TPRG1: variants seen among roughly 807,000 people sequenced by gnomAD.
TPRG1 encodes tumor protein p63-regulated gene 1 protein.
A neutral mutation model predicts 29.3 loss-of-function variants in TPRG1; 29 were observed. The ratio of observed to expected loss-of-function variants is 0.99; its 90% CI spans 0.74 to 1.35. The LOEUF is 1.35. Among genes scored for constraint, TPRG1 ranks in the 40% most tolerant of loss-of-function variants. The probability of loss-of-function intolerance (pLI) is 0.00; values close to 1 mark genes in which losing one functional copy is unlikely to be tolerated. For missense variants in TPRG1, 327 were observed against 335.0 expected, an observed-to-expected ratio of 0.98 and a Z score of 0.19; for synonymous variants, 130 against 116.8, an observed-to-expected ratio of 1.11 and a Z score of -0.73.
At chr3:189,193,132 A>ATTTTTTTTTTTT (rs555964454) in intron 1 of TPRG1, among the ~76,000 whole-genome samples, 30 of 90,252 alleles carry the variant, frequency 3.3e-4, no homozygotes, top group Non-Finnish European at 4.2e-4. Context: ...TTGACTTTTA[A>ATTTTTTTTTTTT]TTTTTTTTTT....
At chr3:189,174,509 T>A (rs1311876506) in intron 1 of TPRG1, among the ~76,000 whole-genome samples, 1 of 152,200 alleles carries the variant, frequency 6.6e-6, no homozygotes, top group Non-Finnish European at 1.5e-5. Flanking sequence ...TCTCTTCCAA[T>A]CTCTTAGGTA....
chr3:189,203,602 C>T (rs548267854), intron 1 of TPRG1, among the ~76,000 whole-genome samples: 1 of 152,322 alleles, frequency 6.6e-6, no homozygotes, highest in African/African-American at 2.4e-5. Context: ...GTTGGATATA[C>T]TTAGCCATTC....
In TPRG1 at chr3:189,199,267, T is replaced by C. The variant is rs1733061644; in HGVS notation, c.-9-8109T>C. 2.6e-5 allele frequency among the ~76,000 whole-genome samples: 4 copies of C among 152,196 alleles called. No individual in the cohort carries two copies. In the South Asian group the frequency reaches 8.3e-4, roughly 32 times the overall value. On this transcript the variant is annotated intron_variant, in intron 1 of 5. Transcript: ENST00000345063. Reference sequence around the variant, plus strand: ...ATCACAAGAGAACCAATTTGCTCAGTTGGAGTCACATGATGATATGGGGAA... The same window carrying C: ...ATCACAAGAGAACCAATTTGCTCAGCTGGAGTCACATGATGATATGGGGAA...
intron 1 of TPRG1, among the ~76,000 whole-genome samples, chr3:189,195,494 T>C (rs899210102): frequency 2.6e-5 from 4 of 152,080 alleles, no homozygotes; most frequent in African/African-American, 9.7e-5. Context: ...GCCTCAAGGA[T>C]AAAGGAGAGC....
At chr3:189,212,499 T>C (rs1188950853) in intron 2 of TPRG1, among the ~76,000 whole-genome samples, 1 of 152,206 alleles carries the variant, frequency 6.6e-6, no homozygotes, top group Non-Finnish European at 1.5e-5. Flanking sequence ...AAAATAGTTA[T>C]CTCACTGGGC....
At chr3:189,039,639 A>G (rs1386409368) in intron 4 of TPRG1, among the ~76,000 whole-genome samples, 1 of 152,212 alleles carries the variant, frequency 6.6e-6, no homozygotes, top group African/African-American at 2.4e-5. Context: ...TCATAAGAGA[A>G]CATGACAGTG....
chr3:189,278,436 A>T lies in TPRG1; in HGVS notation c.480-31950A>T, dbSNP rs1443565494. ...TGCTGGAAAGCAGATTGCTTTACGT[A>T]CTGTGAGCAGATTGTGTAACCAGAC... On this transcript the variant is annotated intron_variant, in intron 4 of 5. Transcript: ENST00000345063. 2.6e-5 allele frequency among the ~76,000 whole-genome samples: 4 copies of T among 152,286 alleles called. No homozygotes were observed. In the East Asian group the frequency reaches 7.7e-4, roughly 29 times the overall value.
In TPRG1 at chr3:189,322,928, G is replaced by C. The variant is rs1442719727; in HGVS notation, c.*2108G>C. The C allele has an allele frequency of 6.6e-6, 1 of 152,100 alleles. No homozygotes were observed. Among genetic ancestry groups the C allele is most frequent in the Non-Finnish European group, 1.5e-5 (1 of 68,000 alleles). The allele number at this position is 152,100 out of a possible 1,614,324, so 9.4% of individuals were successfully genotyped here. A position where few individuals can be genotyped will look rare whatever the true frequency, so the allele number is the denominator to read the frequency against. ...AAGAGTGAACTCAGAGACGACAAGA[G>C]GGTCTTTATGAATTCCCTTCACATT... On this transcript the variant is annotated 3_prime_UTR_variant, in exon 6 of 6. Coordinates refer to ENST00000345063, the MANE Select transcript of TPRG1 (RefSeq NM_198485.4).
intron 3 of TPRG1, among the ~76,000 whole-genome samples, chr3:189,005,075 G>A (rs1712216625): frequency 6.6e-6 from 1 of 152,080 alleles, no homozygotes; most frequent in Non-Finnish European, 1.5e-5. Context: ...CAGGGACATA[G>A]AGAGTAGAAG....
intron 3 of TPRG1, among the ~76,000 whole-genome samples, chr3:189,232,892 C>G (rs984328683): frequency 3.3e-5 from 5 of 152,182 alleles, no homozygotes; most frequent in Non-Finnish European, 7.3e-5. Flanking sequence ...AGAGAAATTG[C>G]TTTCCTTTAG....
intron 1 of TPRG1, among the ~76,000 whole-genome samples, chr3:189,109,218 C>T (rs1389536969): frequency 2.6e-5 from 4 of 151,996 alleles, no homozygotes; most frequent in African/African-American, 9.7e-5. Context: ...TTCTGTCGTC[C>T]GGAGGAAGGA....
intron 4 of TPRG1, among the ~76,000 whole-genome samples, chr3:189,052,930 G>C (rs1271378559): frequency 6.6e-6 from 1 of 152,120 alleles, no homozygotes; most frequent in African/African-American, 2.4e-5. Flanking sequence ...TGGGGACTTG[G>C]GGGGAAGAGT....
intron 2 of TPRG1, among the ~76,000 whole-genome samples, chr3:189,001,688 G>T (rs1712027685): frequency 6.6e-6 from 1 of 152,126 alleles, no homozygotes. Context: ...GTTATTGAAA[G>T]ATGCTGAAGA....
Position 189,310,530 on chromosome 3 carries a change from A to C in TPRG1, c.624A>C (p.Glu208Asp). 1 of 1,609,380 alleles carries C rather than the reference A, an allele frequency of 6.2e-7. No individual in the cohort carries two copies. Among genetic ancestry groups the C allele is most frequent in the Non-Finnish European group, 8.5e-7 (1 of 1,178,048 alleles). ...AATACACCAGTGAGAAATTCCTTGA[A>C]ATTTGCAAGGTAGGAGGCATCTTGG... is the stretch of plus-strand genomic sequence containing the variant. ...PMKYTSEKFL[E>D]ICKLSGFMSK... Residue 208 changes from glutamate (E) to aspartate (D), a missense_variant, in exon 5 of 6, where the codon GAA becomes GAC. By Grantham distance (45) the Glu-to-Asp change is conservative. Coordinates refer to ENST00000345063, the MANE Select transcript of TPRG1 (RefSeq NM_198485.4).
At chr3:189,062,156 G>A (rs1716152277) in intron 4 of TPRG1, among the ~76,000 whole-genome samples, 1 of 152,146 alleles carries the variant, frequency 6.6e-6, no homozygotes, top group South Asian at 2.1e-4. Flanking sequence ...TGGAGCTGGA[G>A]GCTATTATCC....
At chr3:189,244,599 TA>T (rs1264969320) in intron 4 of TPRG1, among the ~76,000 whole-genome samples, 3 of 152,044 alleles carry the variant, frequency 2.0e-5, no homozygotes, top group Admixed American at 1.3e-4. Context: ...TACACACTTT[TA>T]AATGACCAGA....
At chr3:189,083,893 A>G (rs1421377802) in intron 4 of TPRG1, among the ~76,000 whole-genome samples, 2 of 152,156 alleles carry the variant, frequency 1.3e-5, no homozygotes, top group African/African-American at 4.8e-5. Flanking sequence ...TAAAAACAAA[A>G]TGGGTCAGGC....
At chr3:189,272,020 A>G (rs1715227756) in intron 4 of TPRG1, among the ~76,000 whole-genome samples, 1 of 152,176 alleles carries the variant, frequency 6.6e-6, no homozygotes, top group African/African-American at 2.4e-5. Flanking sequence ...TGATGCCCCA[A>G]TCCATTTGTT....
At chr3:189,240,074 C>T (rs1171899666) in intron 4 of TPRG1, among the ~76,000 whole-genome samples, 1 of 152,074 alleles carries the variant, frequency 6.6e-6, no homozygotes, top group African/African-American at 2.4e-5. Context: ...GGTCTGAAAT[C>T]TTTTCAATAT....
Sources: gnomAD v4.1 joint callset for allele counts (sites outside exome capture counted in the v4.1 genomes callset) on GRCh38, gnomAD v4.1.1 for gene constraint, MANE v1.5 for transcripts, NCBI Gene and HGNC (gene_info 2026-07-23, HGNC 2026-07-21) for gene names.